Variants in ATXN2 observed in about 807,000 individuals in gnomAD.
ATXN2 encodes the protein ataxin 2.
Under a neutral mutation model 138.6 loss-of-function variants are expected in ATXN2, and 37 were observed. The observed-to-expected ratio is 0.27, with a 90% CI of 0.21 to 0.35. The LOEUF is 0.35. Among genes scored for constraint, ATXN2 ranks in the 10% least tolerant of loss-of-function variants. The probability of loss-of-function intolerance (pLI) is 1.00; values close to 1 mark genes in which losing one functional copy is unlikely to be tolerated. For missense variants in ATXN2, 1,216 were observed against 1,480.3 expected, an observed-to-expected ratio of 0.82 and a Z score of 2.93; for synonymous variants, 549 against 543.7, an observed-to-expected ratio of 1.01 and a Z score of -0.13.
chr12:111,477,671 G>C (rs1876918516), intron 18 of ATXN2, among the ~76,000 whole-genome samples: 1 of 151,992 alleles, frequency 6.6e-6, no homozygotes, highest in South Asian at 2.1e-4. Context: ...TTCTGAGAAA[G>C]GACTTGTAAC....
intron 3 of ATXN2, 81 bp from the exon 4 acceptor site, chr12:111,553,058 T>C: frequency 1.1e-6 from 1 of 912,874 alleles, no homozygotes; most frequent in Non-Finnish European, 1.6e-6. Context: ...TTACTTTTTA[T>C]ACCTCATCAG....
At position 111,538,040 on chromosome 12, in the gene ATXN2, G is replaced by C. The variant is rs577638833; in HGVS notation, c.572-12724C>G. Among the ~76,000 whole-genome samples, 54 of 151,916 alleles carry C rather than the reference G, an allele frequency of 3.6e-4. No homozygotes were observed. In the South Asian group the frequency reaches 4.4e-3, roughly 12 times the overall value. On this transcript the variant is annotated intron_variant, in intron 5 of 24. Transcript: ENST00000673436. Reference sequence around the variant, plus strand: ...GAACCCATGAGTTTGAGGTTATGGTGAGCTACGATGGCGCCACTGCACTCC... The same window carrying C: ...GAACCCATGAGTTTGAGGTTATGGTCAGCTACGATGGCGCCACTGCACTCC...
Position 111,470,131 on chromosome 12 carries a change from T to A in ATXN2, c.2819A>T (p.His940Leu), listed in dbSNP as rs943935792. 4 of 1,613,956 alleles carry A rather than the reference T, an allele frequency of 2.5e-6. No individual in the cohort carries two copies. The highest frequency in any genetic ancestry group is 3.4e-6 in the Non-Finnish European group (4 of 1,179,966). The change falls in exon 20 of 25, where the codon CAT becomes CTT. Residue 940 changes from histidine to leucine, a missense_variant. Transcript: ENST00000673436. ...VSSSATQYGA[H>L]EQTHAMYACP... is the part of the protein sequence containing the mutation. ...ACCATACATCGCATGCGTCTGCTCATGAGCCCCGTACTGAGTTGCTGAAGA... is the reference window on the plus strand; with the variant it reads ...ACCATACATCGCATGCGTCTGCTCAAGAGCCCCGTACTGAGTTGCTGAAGA...
chr12:111,499,189 G>A (rs551014092), intron 14 of ATXN2, among the ~76,000 whole-genome samples: 109 of 152,168 alleles, frequency 7.2e-4, no homozygotes, highest in Non-Finnish European at 1.3e-3. Flanking sequence ...AAGCAAAGAT[G>A]GACAAATGGG....
intron 18 of ATXN2, among the ~76,000 whole-genome samples, chr12:111,473,672 A>G (rs1876580158): frequency 6.6e-6 from 1 of 152,194 alleles, no homozygotes; most frequent in African/African-American, 2.4e-5. Context: ...TGGATAGATA[A>G]AACATCTAGG....
At chr12:111,524,225 C>G (rs1040402162) in intron 6 of ATXN2, among the ~76,000 whole-genome samples, 4 of 152,134 alleles carry the variant, frequency 2.6e-5, no homozygotes, top group Non-Finnish European at 5.9e-5. Context: ...AGTTTTATTA[C>G]TAGACTTTAG....
rs578060396 is a variant in ATXN2, at chr12:111,494,078, C to T, written c.1936-5298G>A. 6.3e-4 allele frequency among the ~76,000 whole-genome samples: 96 copies of T among 151,658 alleles called. 1 individual carries two copies. The South Asian group carries it at 0.018, about 29-fold the overall frequency. On this transcript the variant is annotated intron_variant, in intron 14 of 24. Transcript: ENST00000673436. ...CCGAGTAGCTGGGATTACAGGCACC[C>T]GCCACCATGTCCGGCTAATTTTTCT...
At chr12:111,485,908 TG>T in intron 16 of ATXN2, 43 bp from the exon 17 acceptor site, 2 of 1,584,676 alleles carry the variant, frequency 1.3e-6, no homozygotes, top group Non-Finnish European at 1.7e-6. Flanking sequence ...AGGTAACAGA[TG>T]AACTATTATT....
At chr12:111,531,822 T>A (rs1467822684) in intron 5 of ATXN2, among the ~76,000 whole-genome samples, 1 of 152,170 alleles carries the variant, frequency 6.6e-6, no homozygotes, top group African/African-American at 2.4e-5. Flanking sequence ...TTTTTCTTAA[T>A]CCATGGGCCC....
intron 18 of ATXN2, among the ~76,000 whole-genome samples, chr12:111,475,057 C>T (rs1273958671): frequency 6.6e-6 from 1 of 151,868 alleles, no homozygotes; most frequent in Non-Finnish European, 1.5e-5. Context: ...ACTAAAAATA[C>T]AAAAAAATTA....
chr12:111,576,166 G>A (rs995804353), intron 1 of ATXN2, among the ~76,000 whole-genome samples: 15 of 146,918 alleles, frequency 1.0e-4, no homozygotes, highest in African/African-American at 2.3e-4. Context: ...TAGTCTGGCC[G>A]GGCACCACGG....
intron 5 of ATXN2, among the ~76,000 whole-genome samples, chr12:111,539,440 G>A (rs1256467073): frequency 1.3e-5 from 2 of 150,132 alleles, no homozygotes; most frequent in Admixed American, 6.7e-5. Flanking sequence ...TTTCAGCTCA[G>A]AAGTTAAAGA....
intron 18 of ATXN2, among the ~76,000 whole-genome samples, chr12:111,474,936 G>A (rs775608048): frequency 9.9e-5 from 15 of 151,864 alleles, no homozygotes; most frequent in South Asian, 4.2e-4. Flanking sequence ...ATACAAGGCC[G>A]GGCGCAGTGG....
At chr12:111,474,779 T>C (rs899890633) in intron 18 of ATXN2, among the ~76,000 whole-genome samples, 1 of 152,184 alleles carries the variant, frequency 6.6e-6, no homozygotes, top group Non-Finnish European at 1.5e-5. Context: ...TCTCAATACA[T>C]TCGTAATAAA....
At chr12:111,512,916 A>G (rs1879625967) in intron 11 of ATXN2, 1 of 159,636 alleles carries the variant, frequency 6.3e-6, no homozygotes, top group African/African-American at 2.4e-5. Context: ...ATGTAAGCCA[A>G]AAATAAATGT....
Position 111,552,699 on chromosome 12 carries a change from T to C in ATXN2, c.420+207A>G, listed in dbSNP as rs970500150. The C allele has an allele frequency of 2.7e-5, 15 of 548,836 alleles. No homozygotes were observed. The highest frequency in any genetic ancestry group is 2.6e-4 in the African/African-American group (13 of 50,454). The allele number at this position is 548,836 out of a possible 1,614,324, so 34.0% of individuals were successfully genotyped here. On this transcript the variant is annotated intron_variant, in intron 4 of 24. Transcript: ENST00000673436. The surrounding 1 kb of genome is among the most constrained non-coding windows in gnomAD (Gnocchi z 4.1). ...AAAACAAACCACCACATCCCTCTAT[T>C]AGCTCACAATGCTTAAAAATGGTTG...
intron 18 of ATXN2, among the ~76,000 whole-genome samples, chr12:111,484,216 G>A (rs1269551066): frequency 6.6e-6 from 1 of 151,774 alleles, no homozygotes; most frequent in Non-Finnish European, 1.5e-5. Context: ...AATTAATCTA[G>A]CAAACCCTCT....
intron 14 of ATXN2, among the ~76,000 whole-genome samples, chr12:111,499,929 TA>T (rs1228522850): frequency 6.6e-6 from 1 of 152,194 alleles, no homozygotes; most frequent in Non-Finnish European, 1.5e-5. Flanking sequence ...TCACCCCAGT[TA>T]AAATGGCTTT....
chr12:111,519,733 T>C, intron 8 of ATXN2, 146 bp downstream of exon 8: 1 of 1,400,944 alleles, frequency 7.1e-7, no homozygotes, highest in Non-Finnish European at 9.5e-7. Flanking sequence ...ACCATAACCT[T>C]TTCTCTAACA....
Sources: gnomAD v4.1 joint callset for allele counts (sites outside exome capture counted in the v4.1 genomes callset) on GRCh38, gnomAD v4.1.1 for gene constraint, Gnocchi (gnomAD v3.1) non-coding constraint, MANE v1.5 for transcripts, NCBI Gene and HGNC (gene_info 2026-07-23, HGNC 2026-07-21) for gene names.